Variants in MTUS2 observed in about 807,000 individuals in gnomAD.
MTUS2 encodes the protein microtubule-associated tumor suppressor candidate 2.
A neutral mutation model predicts 114.1 loss-of-function variants in MTUS2; 40 were observed. That is an observed-to-expected ratio of 0.35 (90% CI 0.27 to 0.46). MTUS2 has a LOEUF of 0.46. MTUS2 is among the 20% of genes least tolerant of loss of function. The pLI, the probability that MTUS2 is intolerant of heterozygous loss-of-function variation, is 1.00. For synonymous variants in MTUS2, 688 were observed against 672.0 expected (o/e 1.02, Z -0.37); for missense variants, 1,679 against 1,705.4 (o/e 0.98, Z 0.27).
At chr13:28,923,421 T>G (rs1376169151) in intron 2 of MTUS2, among the ~76,000 whole-genome samples, 1 of 152,242 alleles carries the variant, frequency 6.6e-6, no homozygotes, top group Non-Finnish European at 1.5e-5. Flanking sequence ...GCAGTCACCC[T>G]GTATAAGTTT....
chr13:29,170,454 T>C (rs1893509030), intron 5 of MTUS2, among the ~76,000 whole-genome samples: 1 of 152,186 alleles, frequency 6.6e-6, no homozygotes, highest in Admixed American at 6.5e-5. Context: ...TATTAGCACT[T>C]CTGATAAAAA....
intron 11 of MTUS2, among the ~76,000 whole-genome samples, chr13:29,491,020 TG>T (rs1041714297): frequency 2.9e-4 from 23 of 79,242 alleles, no homozygotes; most frequent in South Asian, 1.2e-3. Flanking sequence ...GTGGGAGGTA[TG>T]GGGGGATGCG....
chr13:29,491,253 G>A (rs1402764888), intron 11 of MTUS2, among the ~76,000 whole-genome samples: 1 of 147,754 alleles, frequency 6.8e-6, no homozygotes, highest in Non-Finnish European at 1.5e-5. Flanking sequence ...GATGGGGGAG[G>A]GCATGTAAGT....
chr13:29,294,237 A>G (rs539992916), intron 6 of MTUS2, among the ~76,000 whole-genome samples: 1 of 152,242 alleles, frequency 6.6e-6, no homozygotes, highest in African/African-American at 2.4e-5. Context: ...GATTTTTTTC[A>G]TACCTCAGTT....
Position 29,230,021 on chromosome 13 carries a change from C to T in MTUS2, c.2645-51683C>T, listed in dbSNP as rs143975943. On this transcript the variant is annotated intron_variant, in intron 5 of 15. Coordinates refer to ENST00000612955, the MANE Select transcript of MTUS2 (RefSeq NM_001033602.4). ...CAGCACTTTGGGTGGCCGAGGCAGG[C>T]GGATCACGAGGTCAGGAGACCAAGA... 1.5e-3 allele frequency among the ~76,000 whole-genome samples: 235 copies of T among 152,186 alleles called. 3 individuals are homozygous for T. The highest frequency in any genetic ancestry group is 6.8e-3 in the Middle Eastern group (2 of 294).
chr13:29,333,377 A>T (rs1237058882), intron 7 of MTUS2, among the ~76,000 whole-genome samples: 3 of 151,962 alleles, frequency 2.0e-5, no homozygotes, highest in African/African-American at 7.3e-5. Flanking sequence ...TTGTATTTTT[A>T]GTAGAGATGG....
At chr13:29,211,660 G>A (rs367564152) in intron 5 of MTUS2, among the ~76,000 whole-genome samples, 5 of 152,178 alleles carry the variant, frequency 3.3e-5, no homozygotes, top group African/African-American at 9.6e-5. Context: ...ATTTTGCTCA[G>A]CTCTCTAAAT....
chr13:29,321,363 T>C (rs955641831), intron 6 of MTUS2, among the ~76,000 whole-genome samples: 3 of 152,176 alleles, frequency 2.0e-5, no homozygotes, highest in Admixed American at 1.3e-4. Flanking sequence ...AGGGATCTCA[T>C]TGAGTGAAAC....
intron 2 of MTUS2, among the ~76,000 whole-genome samples, chr13:28,958,935 C>T (rs1883194058): frequency 6.6e-6 from 1 of 152,154 alleles, no homozygotes; most frequent in Non-Finnish European, 1.5e-5. Flanking sequence ...TTTAAAAAAA[C>T]AAGCTGGACT....
chr13:28,942,363 C>T (rs573413321), intron 2 of MTUS2, among the ~76,000 whole-genome samples: 71 of 152,244 alleles, frequency 4.7e-4, no homozygotes, highest in South Asian at 1.0e-3. Flanking sequence ...AATATTATAA[C>T]TCATACTCTA....
intron 4 of MTUS2, among the ~76,000 whole-genome samples, chr13:29,093,173 T>A (rs932908828): frequency 1.3e-5 from 2 of 152,156 alleles, no homozygotes; most frequent in African/African-American, 4.8e-5. Flanking sequence ...GGCTGGGTGC[T>A]GTAGCTCATG....
In MTUS2 at chr13:28,945,670, G is replaced by A. The variant is rs116276052; in HGVS notation, c.-242-78787G>A. 9.7e-4 allele frequency among the ~76,000 whole-genome samples: 148 copies of A among 152,160 alleles called. 1 individual carries two copies. The highest frequency in any genetic ancestry group is 3.5e-3 in the African/African-American group (144 of 41,520). On this transcript the variant is annotated intron_variant, in intron 2 of 15. Transcript: ENST00000612955. ...TATCCTTTGCCCACTTTTTAAAGGGGTTATTTGTGTTTTGTTGTTGTTGTT... is the reference window on the plus strand; with the variant it reads ...TATCCTTTGCCCACTTTTTAAAGGGATTATTTGTGTTTTGTTGTTGTTGTT...
intron 7 of MTUS2, among the ~76,000 whole-genome samples, chr13:29,340,897 ATG>A (rs1252655788): frequency 6.6e-6 from 1 of 152,158 alleles, no homozygotes; most frequent in Non-Finnish European, 1.5e-5. Flanking sequence ...AGAACATACA[ATG>A]TTTAGTTTTC....
chr13:29,012,063 A>G (rs1885867959), intron 2 of MTUS2, among the ~76,000 whole-genome samples: 1 of 152,196 alleles, frequency 6.6e-6, no homozygotes, highest in African/African-American at 2.4e-5. Context: ...TCTTCCTTTC[A>G]GATAGCAAAC....
chr13:28,861,581 G>T (rs780450083), intron 2 of MTUS2, among the ~76,000 whole-genome samples: 2 of 152,080 alleles, frequency 1.3e-5, no homozygotes. Context: ...AATAGTTGCA[G>T]TTACTTTAAG....
At chr13:29,494,062 C>T (rs1305070188) in intron 12 of MTUS2, among the ~76,000 whole-genome samples, 1 of 152,226 alleles carries the variant, frequency 6.6e-6, no homozygotes, top group Non-Finnish European at 1.5e-5. Context: ...GCTGCACTAG[C>T]TCTTACTAGC....
At chr13:28,842,296 C>G (rs1875565145) in intron 2 of MTUS2, among the ~76,000 whole-genome samples, 1 of 152,098 alleles carries the variant, frequency 6.6e-6, no homozygotes, top group African/African-American at 2.4e-5. Flanking sequence ...CCTCCCACCC[C>G]TGCAGTTGTT....
intron 5 of MTUS2, among the ~76,000 whole-genome samples, chr13:29,122,043 T>TTA (rs1765017378): frequency 6.6e-6 from 1 of 152,148 alleles, no homozygotes; most frequent in South Asian, 2.1e-4. Context: ...AGGCTAAAGG[T>TTA]TATCAAGTGT....
chr13:29,278,108 T>A (rs1898132873), intron 5 of MTUS2, among the ~76,000 whole-genome samples: 1 of 152,206 alleles, frequency 6.6e-6, no homozygotes, highest in South Asian at 2.1e-4. Flanking sequence ...AGCGGGCTGC[T>A]ATATAGAAAA....
Sources: allele counts gnomAD v4.1 joint callset (sites outside exome capture counted in the v4.1 genomes callset), GRCh38; gene constraint gnomAD v4.1.1; transcripts MANE v1.5; gene names NCBI Gene and HGNC (gene_info 2026-07-23, HGNC 2026-07-21).